The following ARHGEF12 variants were observed in gnomAD, a reference collection of about 807,000 sequenced individuals.
ARHGEF12 encodes the protein Rho guanine nucleotide exchange factor 12.
ARHGEF12 carries 66 observed loss-of-function variants against 211.2 expected under a neutral mutation model. That is an observed-to-expected ratio of 0.31 (90% CI 0.26 to 0.38). The LOEUF is 0.38. Among genes scored for constraint, ARHGEF12 ranks in the 10% least tolerant of loss-of-function variants. The pLI is 1.00. For synonymous variants in ARHGEF12, 592 were observed against 638.4 expected (o/e 0.93, Z 1.09); for missense variants, 1,429 against 1,869.5 (o/e 0.76, Z 4.34).
Position 120,344,593 on chromosome 11 carries a change from A to G in ARHGEF12, c.32+7318A>G, listed in dbSNP as rs138882584. ...TTCAGAGATTGTTGGTGGCATATGC[A>G]CTGTCAGCCTATTTCCTGTTTTATT... On this transcript the variant is annotated intron_variant, in intron 1 of 40. Coordinates refer to ENST00000397843, the MANE Select transcript of ARHGEF12 (RefSeq NM_015313.3). Among the ~76,000 whole-genome samples, 842 of 152,332 alleles carry G rather than the reference A, an allele frequency of 5.5e-3. 3 individuals carry two copies. Among genetic ancestry groups the G allele is most frequent in the Admixed American group, 8.8e-3 (135 of 15,308 alleles).
intron 26 of ARHGEF12, 97 bp from the exon 27 acceptor site, chr11:120,460,575 C>T (rs943106478): frequency 2.5e-5 from 21 of 844,638 alleles, no homozygotes; most frequent in Middle Eastern, 3.0e-4. Context: ...CTGTGAAAAT[C>T]GTCTTTATAA....
At chr11:120,398,539 C>A (rs898819042) in intron 1 of ARHGEF12, among the ~76,000 whole-genome samples, 2 of 152,044 alleles carry the variant, frequency 1.3e-5, no homozygotes, top group African/African-American at 4.8e-5. Flanking sequence ...GTTTGAAAGT[C>A]TGGGGTATTC....
chr11:120,348,733 C>T (rs920145049), intron 1 of ARHGEF12, among the ~76,000 whole-genome samples: 4 of 151,958 alleles, frequency 2.6e-5, no homozygotes, highest in East Asian at 1.9e-4. Flanking sequence ...TCCAGCTACT[C>T]GGGAGGCTGA....
chr11:120,402,703 T>G (rs930635995), intron 1 of ARHGEF12, among the ~76,000 whole-genome samples: 1 of 152,174 alleles, frequency 6.6e-6, no homozygotes, highest in African/African-American at 2.4e-5. Flanking sequence ...AATTAAGGTT[T>G]GAGTGTGATA....
In ARHGEF12 at chr11:120,486,243, C is replaced by T; in HGVS notation, c.*1166C>T. 1 of 233,256 alleles carries T rather than the reference C, an allele frequency of 4.3e-6. No homozygotes were observed. The highest frequency in any genetic ancestry group is 8.5e-6 in the Non-Finnish European group (1 of 117,784). The allele number at this position is 233,256 out of a possible 1,614,324, so 14.4% of individuals were successfully genotyped here. On this transcript the variant is annotated 3_prime_UTR_variant, in exon 41 of 41. Coordinates refer to ENST00000397843, the MANE Select transcript of ARHGEF12 (RefSeq NM_015313.3). The stretch of plus-strand genomic sequence containing the variant: ...GACTCTAATTTTTGCACTGATGGTG[C>T]CAAAGGGCCCTGAGTCAAAAGGATA...
rs953906418 is a variant in ARHGEF12, at chr11:120,477,600, C to T, written c.3532+74C>T. The stretch of plus-strand genomic sequence containing the variant: ...AAAATGCTGGCCGGATGTGGTGGCT[C>T]ATGCCTGTAATCCCAGTGCTTTGGG... On this transcript the variant is annotated intron_variant, in intron 36 of 40. Coordinates refer to ENST00000397843, the MANE Select transcript of ARHGEF12 (RefSeq NM_015313.3). The T allele has an allele frequency of 1.5e-5, 21 of 1,416,690 alleles. No individual in the cohort carries two copies. The African/African-American group carries it at 2.1e-4, about 14-fold the overall frequency. 87.8% of individuals were successfully genotyped at this position (1,416,690 alleles called of 1,614,324 possible). A position where few individuals can be genotyped will look rare whatever the true frequency, so the allele number is the denominator to read the frequency against.
At chr11:120,450,710 C>A (rs1946185015) in intron 21 of ARHGEF12, 1 of 152,078 alleles carries the variant, frequency 6.6e-6, no homozygotes, top group African/African-American at 2.4e-5. Context: ...GGATAATTAG[C>A]AGGATGGGGA....
intron 1 of ARHGEF12, among the ~76,000 whole-genome samples, chr11:120,379,362 C>T (rs1029525129): frequency 6.6e-6 from 1 of 151,792 alleles, no homozygotes; most frequent in Non-Finnish European, 1.5e-5. Context: ...AAAAGTTTTA[C>T]TTTCATTTAA....
chr11:120,445,354 A>G, intron 15 of ARHGEF12, 68 bp from the exon 16 acceptor site: 2 of 1,519,992 alleles, frequency 1.3e-6, no homozygotes, highest in South Asian at 1.1e-5. Context: ...CTTACTTTAC[A>G]GAAGTACTTA....
intron 36 of ARHGEF12, chr11:120,477,742 T>C: frequency 2.3e-6 from 1 of 443,900 alleles, no homozygotes; most frequent in Non-Finnish European, 3.9e-6. Flanking sequence ...GGTAGGTGCC[T>C]GTAATCCCAG....
In ARHGEF12 at chr11:120,432,364, T is replaced by C. The variant is rs550254245; in HGVS notation, c.924+453T>C. The stretch of plus-strand genomic sequence containing the variant: ...GCTTCAGTTAATAGCCCAGGTTTAG[T>C]GACAGCACTTTCTTGATTAACCCAG... On this transcript the variant is annotated intron_variant, in intron 11 of 40. Coordinates refer to ENST00000397843, the MANE Select transcript of ARHGEF12 (RefSeq NM_015313.3). Among the ~76,000 whole-genome samples, 4 of 152,348 alleles carry C rather than the reference T, an allele frequency of 2.6e-5. No homozygotes were observed. In the South Asian group the frequency reaches 8.3e-4, roughly 32 times the overall value.
chr11:120,353,130 ATCTC>A (rs1245559462), intron 1 of ARHGEF12, among the ~76,000 whole-genome samples: 1 of 152,206 alleles, frequency 6.6e-6, no homozygotes, highest in Non-Finnish European at 1.5e-5. Context: ...GTTTTGGTCT[ATCTC>A]AGAACCTTCA....
intron 4 of ARHGEF12, chr11:120,411,273 G>C (rs1444305454): frequency 6.6e-6 from 1 of 152,158 alleles, no homozygotes; most frequent in Admixed American, 6.5e-5. Flanking sequence ...GAGTTGATTA[G>C]AACAGAATTA....
intron 1 of ARHGEF12, among the ~76,000 whole-genome samples, chr11:120,402,631 C>T (rs373644836): frequency 1.1e-4 from 17 of 152,212 alleles, no homozygotes; most frequent in African/African-American, 3.6e-4. Flanking sequence ...CTCAAATGCT[C>T]CTTTATAACT....
intron 18 of ARHGEF12, chr11:120,447,367 C>T (rs1946076409): frequency 6.5e-6 from 2 of 307,914 alleles, no homozygotes; most frequent in Middle Eastern, 9.2e-4. Flanking sequence ...AATTTATAGG[C>T]CTTGGAAATA....
intron 24 of ARHGEF12, 67 bp downstream of exon 24, chr11:120,457,823 A>C: frequency 6.5e-7 from 1 of 1,527,222 alleles, no homozygotes. Context: ...TTTCCTCTAA[A>C]GTTTCATTTT....
At chr11:120,471,911 A>G (rs1024058216) in intron 30 of ARHGEF12, among the ~76,000 whole-genome samples, 6 of 152,204 alleles carry the variant, frequency 3.9e-5, no homozygotes, top group Non-Finnish European at 7.3e-5. Context: ...GATATCCTAC[A>G]TGGATGTACA....
chr11:120,484,549 C>G, intron 40 of ARHGEF12, 42 bp downstream of exon 40: 6 of 1,483,688 alleles, frequency 4.0e-6, no homozygotes, highest in Non-Finnish European at 5.6e-6. Flanking sequence ...ACTAATCATC[C>G]TACACTGAAT....
chr11:120,449,560 G>C (rs568187512), intron 21 of ARHGEF12: 2 of 181,460 alleles, frequency 1.1e-5, no homozygotes, highest in African/African-American at 4.7e-5. Flanking sequence ...TTAGCCAGGC[G>C]TGGTGGCATG....
Sources: allele counts gnomAD v4.1 joint callset (sites outside exome capture counted in the v4.1 genomes callset), GRCh38; gene constraint gnomAD v4.1.1; transcripts MANE v1.5; gene names NCBI Gene and HGNC (gene_info 2026-07-23, HGNC 2026-07-21).